Variants in ABCD3 observed in about 807,000 individuals in gnomAD.
ABCD3 encodes ATP binding cassette subfamily D member 3, also known as ATP-binding cassette sub-family D member 3.
A neutral mutation model predicts 105.5 loss-of-function variants in ABCD3; 41 were observed. The ratio of observed to expected loss-of-function variants is 0.39; its 90% CI spans 0.30 to 0.50. ABCD3 has a LOEUF of 0.50. Ranked by LOEUF, ABCD3 falls within the 20% of genes least tolerant of loss-of-function variation. The pLI, the probability that ABCD3 is intolerant of heterozygous loss-of-function variation, is 0.84. For synonymous variants in ABCD3, 258 were observed against 269.0 expected, an observed-to-expected ratio of 0.96 and a Z score of 0.40; for missense variants, 622 against 806.3, an observed-to-expected ratio of 0.77 and a Z score of 2.77.
chr1:94,506,853 T>C (rs901676487), intron 21 of ABCD3, among the ~76,000 whole-genome samples: 32 of 151,876 alleles, frequency 2.1e-4, no homozygotes, highest in African/African-American at 7.5e-4. Flanking sequence ...ATATGGGAAA[T>C]AGATTTAAAT....
At chr1:94,467,107 A>G (rs1486129213) in intron 3 of ABCD3, among the ~76,000 whole-genome samples, 1 of 152,126 alleles carries the variant, frequency 6.6e-6, no homozygotes, top group Non-Finnish European at 1.5e-5. Context: ...TTTAAACATC[A>G]CTTTTTAACA....
At chr1:94,409,073 G>T in the ABCD3 span, among the ~76,000 whole-genome samples, 1 of 151,722 alleles carries the variant, frequency 6.6e-6, no homozygotes, top group Non-Finnish European at 1.5e-5. Context: ...TATATCATCT[G>T]GGGGGTGGCA....
At chr1:94,395,174 T>TA in the ABCD3 span, among the ~76,000 whole-genome samples, 307 of 152,296 alleles carry the variant, frequency 2.0e-3, no homozygotes, top group African/African-American at 7.1e-3. Flanking sequence ...ATACTCCCCC[T>TA]AGCAAGAGGG....
the ABCD3 span, among the ~76,000 whole-genome samples, chr1:94,409,302 C>T: frequency 7.2e-5 from 11 of 152,190 alleles, no homozygotes; most frequent in Non-Finnish European, 4.4e-5. Context: ...TTATGCATTA[C>T]ATGCTTGTAT....
chr1:94,472,827 T>C (rs1648552599), intron 4 of ABCD3, among the ~76,000 whole-genome samples: 1 of 152,198 alleles, frequency 6.6e-6, no homozygotes. Flanking sequence ...TATATAAATA[T>C]GTCTTATGAA....
At chr1:94,390,163 AC>A in the ABCD3 span, among the ~76,000 whole-genome samples, 2 of 152,194 alleles carry the variant, frequency 1.3e-5, no homozygotes, top group South Asian at 4.1e-4. Context: ...GATGTGGCAG[AC>A]CTGATTTAAG....
chr1:94,392,384 T>C, the ABCD3 span, among the ~76,000 whole-genome samples: 1 of 152,166 alleles, frequency 6.6e-6, no homozygotes, highest in African/African-American at 2.4e-5. Flanking sequence ...CTACAGTAGG[T>C]CAACAAAAAA....
At chr1:94,399,686 G>A in the ABCD3 span, among the ~76,000 whole-genome samples, 1 of 152,164 alleles carries the variant, frequency 6.6e-6, no homozygotes, top group Non-Finnish European at 1.5e-5. Context: ...AAATATGGCT[G>A]GGTGTGGCAT....
intron 1 of ABCD3, among the ~76,000 whole-genome samples, chr1:94,456,529 C>T (rs1217732136): frequency 6.6e-6 from 1 of 151,494 alleles, no homozygotes; most frequent in Non-Finnish European, 1.5e-5. Context: ...CCTCCCGCCT[C>T]GGGCTTCCAA....
chr1:94,477,349 C>T (rs1049608420), intron 7 of ABCD3, among the ~76,000 whole-genome samples: 1 of 151,554 alleles, frequency 6.6e-6, no homozygotes, highest in South Asian at 2.1e-4. Context: ...GGCTGTTGGC[C>T]GGGCATAGTG....
At chr1:94,483,638 T>C (rs1034021184) in intron 10 of ABCD3, among the ~76,000 whole-genome samples, 4 of 152,056 alleles carry the variant, frequency 2.6e-5, no homozygotes, top group Non-Finnish European at 4.4e-5. Context: ...ATATAAAAAT[T>C]AATTCAAGAT....
chr1:94,499,645 A>T (rs767915930), intron 20 of ABCD3, 31 bp downstream of exon 20: 19 of 1,611,772 alleles, frequency 1.2e-5, no homozygotes, highest in Non-Finnish European at 1.6e-5. Context: ...TTGCACAAGA[A>T]TGCAACTGGT....
At chr1:94,486,506 A>G (rs1469976795) in intron 10 of ABCD3, among the ~76,000 whole-genome samples, 2 of 152,248 alleles carry the variant, frequency 1.3e-5, no homozygotes, top group Admixed American at 1.3e-4. Flanking sequence ...GTCTAGTTGC[A>G]GAAGATACCA....
At chr1:94,432,019 A>T (rs866021690) in intron 1 of ABCD3, among the ~76,000 whole-genome samples, 2 of 152,184 alleles carry the variant, frequency 1.3e-5, no homozygotes, top group Non-Finnish European at 2.9e-5. Flanking sequence ...TTTAACTGTT[A>T]CTGGTTGAAT....
intron 1 of ABCD3, among the ~76,000 whole-genome samples, chr1:94,419,111 A>G (rs890924497): frequency 1.3e-5 from 2 of 152,154 alleles, no homozygotes; most frequent in Non-Finnish European, 2.9e-5. Context: ...CTGCTATTGA[A>G]AGTCGCGAGG....
chr1:94,473,426 C>A (rs1648581756), intron 4 of ABCD3, among the ~76,000 whole-genome samples: 1 of 152,060 alleles, frequency 6.6e-6, no homozygotes, highest in Non-Finnish European at 1.5e-5. Flanking sequence ...TTCATAATAA[C>A]CCATTCCTGG....
rs1649349249 is a variant in ABCD3, at chr1:94,487,922, CG to C, written c.1097del (p.Arg366GlnfsTer9). The C allele has an allele frequency of 6.2e-7, 1 of 1,613,706 alleles. No homozygotes were observed. Among genetic ancestry groups the C allele is most frequent in the Non-Finnish European group, 8.5e-7 (1 of 1,179,812 alleles). ...CTACCAAAGTGGAAGAATGCTTTTG[CG>C]AATGTCTCAAGCTCTGGGTCGAATA... is the stretch of plus-strand genomic sequence containing the variant. ...DYYQSGRMLL[R>X]MSQALGRIVL... On this transcript the variant is annotated frameshift_variant, in exon 13 of 23. Transcript: ENST00000370214. LOFTEE classifies it high-confidence loss of function.
intron 21 of ABCD3, among the ~76,000 whole-genome samples, chr1:94,510,361 G>A (rs1028371247): frequency 4.4e-4 from 67 of 152,194 alleles, no homozygotes; most frequent in African/African-American, 1.6e-3. Flanking sequence ...GAGATAGTTT[G>A]TTATAATTTC....
chr1:94,448,870 T>G (rs1279851172), intron 1 of ABCD3, among the ~76,000 whole-genome samples: 1 of 152,238 alleles, frequency 6.6e-6, no homozygotes, highest in African/African-American at 2.4e-5. Flanking sequence ...AAACAGCAGT[T>G]GCAAAAGCAG....
Sources: allele counts gnomAD v4.1 joint callset (sites outside exome capture counted in the v4.1 genomes callset), GRCh38; gene constraint gnomAD v4.1.1; transcripts MANE v1.5; gene names NCBI Gene and HGNC (gene_info 2026-07-23, HGNC 2026-07-21).